The following ROR1 variants were observed in gnomAD, a reference collection of about 807,000 sequenced individuals.
The protein encoded by ROR1 is ROR family WNT receptor 1, also known as inactive tyrosine-protein kinase transmembrane receptor ROR1.
A neutral mutation model predicts 78.8 loss-of-function variants in ROR1; 19 were observed. That is an observed-to-expected ratio of 0.24 (90% confidence interval 0.17 to 0.35). ROR1 has a LOEUF of 0.35. ROR1 is among the 10% of genes least tolerant of loss of function. The probability of loss-of-function intolerance (pLI) is 1.00; values close to 1 mark genes in which losing one functional copy is unlikely to be tolerated. For synonymous variants in ROR1, 386 were observed against 433.6 expected, an observed-to-expected ratio of 0.89 and a Z score of 1.36; for missense variants, 917 against 1,177.8, an observed-to-expected ratio of 0.78 and a Z score of 3.24.
At chr1:64,135,360 G>A (rs1189006127) in intron 4 of ROR1, among the ~76,000 whole-genome samples, 5 of 152,128 alleles carry the variant, frequency 3.3e-5, no homozygotes, top group Admixed American at 2.6e-4. Flanking sequence ...TTATATCTGG[G>A]GGTAATTCCA....
intron 1 of ROR1, among the ~76,000 whole-genome samples, chr1:64,002,513 T>A (rs1669153): frequency 0.66 from 99,645 of 151,736 alleles, 37,302 homozygotes; most frequent in East Asian, 0.94. Flanking sequence ...TCTCTATAGT[T>A]CCATGGAAGA....
At chr1:63,875,240 G>A (rs1365676188) in intron 1 of ROR1, among the ~76,000 whole-genome samples, 2 of 152,166 alleles carry the variant, frequency 1.3e-5, no homozygotes, top group East Asian at 1.9e-4. Context: ...TTTGTGCTGA[G>A]TGCCTACAAC....
intron 2 of ROR1, among the ~76,000 whole-genome samples, chr1:64,012,778 A>G (rs1379779689): frequency 6.6e-6 from 1 of 152,218 alleles, no homozygotes; most frequent in Non-Finnish European, 1.5e-5. Flanking sequence ...AGTAGAAACC[A>G]TGGGGCAAAT....
At chr1:64,038,717 T>C (rs1301796144) in intron 2 of ROR1, among the ~76,000 whole-genome samples, 1 of 152,190 alleles carries the variant, frequency 6.6e-6, no homozygotes, top group Non-Finnish European at 1.5e-5. Flanking sequence ...GAGTGATCTT[T>C]GAGTGCAGGC....
At chr1:64,176,685 G>A (rs74078948) in intron 8 of ROR1, among the ~76,000 whole-genome samples, 2,158 of 152,286 alleles carry the variant, frequency 0.014, 46 homozygotes, top group African/African-American at 0.048. Flanking sequence ...AAGGTTTTGC[G>A]GGAAGTGGGG....
chr1:64,101,846 A>C (rs1300832586), intron 4 of ROR1, among the ~76,000 whole-genome samples: 1 of 152,192 alleles, frequency 6.6e-6, no homozygotes, highest in Admixed American at 6.5e-5. Context: ...CGGGACAGCT[A>C]ACCTAAAAGC....
intron 2 of ROR1, among the ~76,000 whole-genome samples, chr1:64,036,838 C>A (rs1023604627): frequency 6.6e-6 from 1 of 152,192 alleles, no homozygotes. Context: ...TGCAGAGTCT[C>A]TCATGTGGTT....
chr1:64,092,576 T>A (rs1647208824), intron 4 of ROR1, among the ~76,000 whole-genome samples: 1 of 152,126 alleles, frequency 6.6e-6, no homozygotes. Context: ...CAGGGCTGAG[T>A]CCCTCATTCC....
At chr1:63,858,196 GC>G (rs961335740) in intron 1 of ROR1, among the ~76,000 whole-genome samples, 1 of 152,020 alleles carries the variant, frequency 6.6e-6, no homozygotes, top group African/African-American at 2.4e-5. Context: ...TTGCTTTTAG[GC>G]CCCATGTTTA....
At position 64,178,055 on chromosome 1, in the gene ROR1, G is replaced by A; in HGVS notation, c.2014G>A (p.Asp672Asn). ...CATCATGTATGGCAAATTCTCTTCT[G>A]ATTCAGATATCTGGTCCTTTGGGGT... Reference protein sequence around the residue: ...EAIMYGKFSSDSDIWSFGVVL... With the variant: ...EAIMYGKFSSNSDIWSFGVVL... Residue 672 changes from aspartate to asparagine, a missense_variant, in exon 9 of 9, where the codon GAT (aspartate) becomes AAT (asparagine). This residue lies in a region of ROR1 where 835 missense variants were observed against 1,069.8 expected (regional missense o/e 0.78). Coordinates refer to ENST00000371079, the MANE Select transcript of ROR1 (RefSeq NM_005012.4). This position sits in a 1 kb window ranked among gnomAD's most constrained non-coding sequence, Gnocchi z 4.3. The A allele has an allele frequency of 1.2e-6, 2 of 1,614,158 alleles. No homozygotes were observed.
rs149916693 is a variant in ROR1 at position 64,001,947 on chromosome 1, TA to T, written c.92-7357del. ...CATCATATATTTCCTTGTGACATTT[TA>T]TTCAGTACTCTTCAAGTTTTTAGTC... On this transcript the variant is annotated intron_variant, in intron 1 of 8. Coordinates refer to ENST00000371079, the MANE Select transcript of ROR1 (RefSeq NM_005012.4). Among the ~76,000 whole-genome samples the T allele has an allele frequency of 7.1e-3, 1,086 of 152,260 alleles. 18 individuals are homozygous for T. Among genetic ancestry groups the T allele is most frequent in the African/African-American group, 0.025 (1,034 of 41,530 alleles).
intron 1 of ROR1, among the ~76,000 whole-genome samples, chr1:63,897,072 C>T (rs1645446023): frequency 6.6e-6 from 1 of 152,164 alleles, no homozygotes; most frequent in Non-Finnish European, 1.5e-5. Context: ...CCTGGCTATT[C>T]CAGCTCTCAG....
chr1:64,088,940 G>T, intron 4 of ROR1, among the ~76,000 whole-genome samples: 1 of 151,636 alleles, frequency 6.6e-6, no homozygotes, highest in African/African-American at 2.4e-5. Context: ...GCCAGAGCAG[G>T]GCTTTAAAAT....
At chr1:63,953,493 G>T (rs922193026) in intron 1 of ROR1, among the ~76,000 whole-genome samples, 31 of 152,180 alleles carry the variant, frequency 2.0e-4, no homozygotes, top group Non-Finnish European at 1.8e-4. Context: ...TCTCTCAAAA[G>T]ATTGTTATAC....
chr1:64,010,530 A>T (rs1283671129), intron 2 of ROR1, among the ~76,000 whole-genome samples: 6 of 152,152 alleles, frequency 3.9e-5, no homozygotes, highest in Admixed American at 3.9e-4. Context: ...CTGAGTTTCT[A>T]CTTTAGTTCA....
intron 1 of ROR1, among the ~76,000 whole-genome samples, chr1:63,790,287 C>T (rs556663460): frequency 6.6e-6 from 1 of 152,294 alleles, no homozygotes; most frequent in East Asian, 1.9e-4. Context: ...ATTGTTCTTC[C>T]TTCCTAGAGG....
At chr1:64,139,451 G>A (rs1649230711) in intron 5 of ROR1, among the ~76,000 whole-genome samples, 1 of 152,160 alleles carries the variant, frequency 6.6e-6, no homozygotes, top group Admixed American at 6.5e-5. Context: ...CTTGTCAATA[G>A]CGGTATTCAA....
intron 2 of ROR1, among the ~76,000 whole-genome samples, chr1:64,040,921 A>G (rs868418912): frequency 3.3e-5 from 5 of 152,230 alleles, no homozygotes; most frequent in Admixed American, 6.5e-5. Flanking sequence ...TAAGGATCCC[A>G]TTAAATAACC....
At chr1:64,147,924 C>T (rs1286153915) in intron 7 of ROR1, among the ~76,000 whole-genome samples, 1 of 152,248 alleles carries the variant, frequency 6.6e-6, no homozygotes, top group Non-Finnish European at 1.5e-5. Flanking sequence ...GGGGATGCTA[C>T]TGGCAACTGT....
Sources: allele counts gnomAD v4.1 joint callset (sites outside exome capture counted in the v4.1 genomes callset), GRCh38; gene constraint gnomAD v4.1.1; regional missense constraint gnomAD v4.1.1; non-coding constraint Gnocchi (gnomAD v3.1); transcripts MANE v1.5; gene names NCBI Gene and HGNC (gene_info 2026-07-23, HGNC 2026-07-21).